PIK3C2G: variants seen among roughly 807,000 people sequenced by gnomAD.
The protein encoded by PIK3C2G is phosphatidylinositol 3-kinase C2 domain-containing subunit gamma.
In PIK3C2G, 168 loss-of-function variants were observed where a neutral mutation model predicts 181.1. That is an observed-to-expected ratio of 0.93 (90% CI 0.82 to 1.05). The LOEUF (loss-of-function observed/expected upper bound fraction) is 1.05, where lower values mean the gene tolerates loss of function less well. Ranked by LOEUF, PIK3C2G falls within the 50% of genes least tolerant of loss-of-function variation. The pLI, the probability that PIK3C2G is intolerant of heterozygous loss-of-function variation, is 0.00. For missense variants in PIK3C2G, 1,869 were observed against 1,732.8 expected (o/e 1.08, Z -1.40); for synonymous variants, 573 against 592.2 (o/e 0.97, Z 0.47).
chr12:18,382,537 A>G lies in PIK3C2G; in HGVS notation c.1995+657A>G, dbSNP rs115867180. Among the ~76,000 whole-genome samples the G allele has an allele frequency of 6.7e-3, 1,020 of 152,300 alleles. 12 individuals carry two copies. Among genetic ancestry groups the G allele is most frequent in the African/African-American group, 0.024 (982 of 41,556 alleles). Reference sequence around the variant, plus strand: ...TGGAATATGAACTTTTCATCTCTATAGGAAAAATTAGAAAATGCTCTCTGG... The same window carrying G: ...TGGAATATGAACTTTTCATCTCTATGGGAAAAATTAGAAAATGCTCTCTGG... On this transcript the variant is annotated intron_variant, in intron 14 of 32. Coordinates refer to ENST00000538779, the MANE Select transcript of PIK3C2G (RefSeq NM_001288772.2).
At chr12:18,608,382 A>C (rs1307660927) in intron 30 of PIK3C2G, among the ~76,000 whole-genome samples, 2 of 152,152 alleles carry the variant, frequency 1.3e-5, no homozygotes, top group African/African-American at 2.4e-5. Context: ...CAGCCATAAA[A>C]AATGATGAGT....
chr12:18,259,349 G>T (rs1417461323), upstream of PIK3C2G, among the ~76,000 whole-genome samples: 1 of 152,086 alleles, frequency 6.6e-6, no homozygotes, highest in Non-Finnish European at 1.5e-5. Context: ...CAGCTTCGGG[G>T]TCTGGGTCAC....
At position 18,346,656 on chromosome 12, in the gene PIK3C2G, T is replaced by C; in HGVS notation, c.1445T>C (p.Val482Ala). ...ETSAKGLIEK[V>A]TTELSTSIYQ... ...TCCTTTCTAGGCTTGATAGAGAAGG[T>C]AACAACTGAACTATCCACATCCATC... Residue 482 changes from valine to alanine, a missense_variant, in exon 11 of 33, where the codon GTA becomes GCA. Coordinates refer to ENST00000538779, the MANE Select transcript of PIK3C2G (RefSeq NM_001288772.2). 1 of 1,605,432 alleles carries C rather than the reference T, an allele frequency of 6.2e-7. No individual in the cohort carries two copies. Among genetic ancestry groups the C allele is most frequent in the Non-Finnish European group, 8.5e-7 (1 of 1,174,782 alleles).
At position 18,530,605 on chromosome 12, in the gene PIK3C2G, T is replaced by C. The variant is rs1261977694; in HGVS notation, c.3324-7551T>C. ...CAACAATGACCTGATATGGCTTGGC[T>C]CTGCGTGCCCACCCAAATCTCACGT... On this transcript the variant is annotated intron_variant, in intron 24 of 32. Transcript: ENST00000538779. Among the ~76,000 whole-genome samples the C allele has an allele frequency of 3.9e-5, 6 of 152,274 alleles. No individual in the cohort carries two copies. In the East Asian group the frequency reaches 1.2e-3, roughly 29 times the overall value.
the PIK3C2G span, chr12:18,719,404 T>C: frequency 7.7e-7 from 1 of 1,305,180 alleles, no homozygotes; most frequent in Non-Finnish European, 1.0e-6. Flanking sequence ...TTTTTAAATG[T>C]AATAGATTTA....
chr12:18,354,890 G>T (rs1940581370), intron 11 of PIK3C2G, among the ~76,000 whole-genome samples: 1 of 152,180 alleles, frequency 6.6e-6, no homozygotes, highest in Non-Finnish European at 1.5e-5. Flanking sequence ...TTTCTCTTCT[G>T]TCTTCTTATT....
Position 18,272,352 on chromosome 12 carries a change from G to C in PIK3C2G, c.-78-9652G>C, listed in dbSNP as rs148186396. 4.0e-3 allele frequency among the ~76,000 whole-genome samples: 610 copies of C among 152,142 alleles called. 5 individuals carry two copies. The highest frequency in any genetic ancestry group is 6.8e-3 in the Middle Eastern group (2 of 294). ...CAAATATATTCAAGTTAGAATTTTTGGCAAGACTTCTTCATGGTAGTTTTG... is the reference window on the plus strand; with the variant it reads ...CAAATATATTCAAGTTAGAATTTTTCGCAAGACTTCTTCATGGTAGTTTTG... On this transcript the variant is annotated intron_variant, in intron 1 of 32. Transcript: ENST00000538779.
At chr12:18,445,518 T>A (rs953924983) in intron 18 of PIK3C2G, among the ~76,000 whole-genome samples, 5 of 152,162 alleles carry the variant, frequency 3.3e-5, no homozygotes, top group Non-Finnish European at 7.4e-5. Context: ...TTGTGGAGGT[T>A]TGTTTATCAG....
chr12:18,656,716 C>CA, the PIK3C2G span, among the ~76,000 whole-genome samples: 1 of 150,334 alleles, frequency 6.7e-6, no homozygotes, highest in African/African-American at 2.5e-5. Flanking sequence ...GCCTGGGTGA[C>CA]AGAGCATGAC....
intron 29 of PIK3C2G, among the ~76,000 whole-genome samples, chr12:18,580,924 T>C (rs959281293): frequency 1.3e-5 from 2 of 152,224 alleles, no homozygotes; most frequent in Non-Finnish European, 2.9e-5. Flanking sequence ...AGATGTTGGC[T>C]GACCAGTTAA....
chr12:18,339,765 TA>T (rs1483231080), intron 9 of PIK3C2G, among the ~76,000 whole-genome samples: 1 of 152,008 alleles, frequency 6.6e-6, no homozygotes, highest in Non-Finnish European at 1.5e-5. Flanking sequence ...GATTAGACAG[TA>T]AAAAAATGAA....
intron 13 of PIK3C2G, among the ~76,000 whole-genome samples, chr12:18,378,081 G>C (rs1044993448): frequency 1.3e-5 from 2 of 152,130 alleles, no homozygotes; most frequent in African/African-American, 4.8e-5. Flanking sequence ...ATGTGCCTCA[G>C]GGTTAAAGCC....
intron 10 of PIK3C2G, 67 bp downstream of exon 10, chr12:18,343,427 T>C: frequency 1.3e-6 from 1 of 765,816 alleles, no homozygotes. Flanking sequence ...TCCAAAATAC[T>C]TTTTTCAATT....
chr12:18,381,918 AGTATTGGTTGATAC>A (rs1345605348), intron 14 of PIK3C2G, 38 bp downstream of exon 14: 1 of 1,194,048 alleles, frequency 8.4e-7, no homozygotes, highest in Non-Finnish European at 1.3e-6. Flanking sequence ...ACACATGGCA[AGTATTGGTTGATAC>A]GTAGTTTGTT....
At chr12:18,250,471 T>C (rs937552271) in intron 1 of PIK3C2G, among the ~76,000 whole-genome samples, 5 of 152,066 alleles carry the variant, frequency 3.3e-5, no homozygotes, top group African/African-American at 1.2e-4. Flanking sequence ...ACGAGGAGCT[T>C]CTTGACATTT....
upstream of PIK3C2G, among the ~76,000 whole-genome samples, chr12:18,244,037 T>A (rs1948013824): frequency 6.6e-6 from 1 of 151,972 alleles, no homozygotes; most frequent in African/African-American, 2.4e-5. Flanking sequence ...AGTGTGGTAA[T>A]AACTATGAGA....
At chr12:18,414,938 C>G (rs1037924913) in intron 16 of PIK3C2G, among the ~76,000 whole-genome samples, 1 of 152,182 alleles carries the variant, frequency 6.6e-6, no homozygotes, top group Non-Finnish European at 1.5e-5. Context: ...AGCTATTTCT[C>G]TTTCAGCTTC....
chr12:18,269,362 T>C (rs11609083), intron 1 of PIK3C2G, among the ~76,000 whole-genome samples: 11,615 of 152,200 alleles, frequency 0.076, 1,047 homozygotes, highest in East Asian at 0.48. Context: ...CACATGTTTC[T>C]AGCCACTAGA....
chr12:18,551,154 T>C (rs1348928), intron 26 of PIK3C2G, among the ~76,000 whole-genome samples: 62,890 of 151,826 alleles, frequency 0.41, 14,089 homozygotes, highest in East Asian at 0.73. Context: ...CATCAACTAC[T>C]CTCTGTTTCC....
Sources: gnomAD v4.1 joint callset for allele counts (sites outside exome capture counted in the v4.1 genomes callset) on GRCh38, gnomAD v4.1.1 for gene constraint, MANE v1.5 for transcripts, NCBI Gene and HGNC (gene_info 2026-07-23, HGNC 2026-07-21) for gene names.